The following GPC5 variants were observed in gnomAD, a reference collection of about 807,000 sequenced individuals.
GPC5 encodes glypican 5.
GPC5 carries 47 observed loss-of-function variants against 53.9 expected under a neutral mutation model. The ratio of observed to expected loss-of-function variants is 0.87; its 90% CI spans 0.69 to 1.11. The LOEUF (loss-of-function observed/expected upper bound fraction) is 1.11, where lower values mean the gene tolerates loss of function less well. Ranked by LOEUF, GPC5 falls within the 50% of genes most tolerant of loss-of-function variation. GPC5 has a pLI of 0.00. For missense variants in GPC5, 748 were observed against 713.1 expected (o/e 1.05, Z -0.56); for synonymous variants, 286 against 263.3 (o/e 1.09, Z -0.84).
chr13:91,801,497 G>T (rs1427585249), intron 5 of GPC5, among the ~76,000 whole-genome samples: 3 of 151,948 alleles, frequency 2.0e-5, no homozygotes, highest in Non-Finnish European at 2.9e-5. Flanking sequence ...AAATTTTCTG[G>T]CTGTGTCAAA....
rs115569284 is a variant in GPC5, at chr13:91,764,091, G to A, written c.1280+7671G>A. Among the ~76,000 whole-genome samples the A allele has an allele frequency of 5.7e-3, 872 of 152,154 alleles. 10 individuals carry two copies. The highest frequency in any genetic ancestry group is 0.02 in the African/African-American group (836 of 41,490). The stretch of plus-strand genomic sequence containing the variant: ...GTGGTTGGTCGAATCCTTGAACACA[G>A]TTGAATCCTTGATCTGGAACTGGTG... On this transcript the variant is annotated intron_variant, in intron 5 of 7. Transcript: ENST00000377067.
intron 3 of GPC5, among the ~76,000 whole-genome samples, chr13:91,705,798 A>T (rs1361936196): frequency 6.6e-6 from 1 of 150,990 alleles, no homozygotes; most frequent in Non-Finnish European, 1.5e-5. Flanking sequence ...GAAAAATATT[A>T]CTTATACTCC....
intron 7 of GPC5, among the ~76,000 whole-genome samples, chr13:92,307,725 G>T (rs367998154): frequency 6.6e-6 from 1 of 152,134 alleles, no homozygotes; most frequent in African/African-American, 2.4e-5. Context: ...AATGAATGAG[G>T]TAGGTGCTGG....
intron 6 of GPC5, among the ~76,000 whole-genome samples, chr13:92,006,778 C>G (rs955311572): frequency 1.3e-5 from 2 of 152,124 alleles, no homozygotes; most frequent in South Asian, 2.1e-4. Flanking sequence ...CACACACACA[C>G]AGATATAGTA....
intron 7 of GPC5, among the ~76,000 whole-genome samples, chr13:92,286,942 C>A (rs1488985529): frequency 1.3e-5 from 2 of 151,916 alleles, no homozygotes; most frequent in African/African-American, 4.8e-5. Context: ...GGAAGAAAAA[C>A]CATGTGTAGG....
chr13:92,192,925 C>T (rs958843881), intron 7 of GPC5, among the ~76,000 whole-genome samples: 10 of 152,064 alleles, frequency 6.6e-5, no homozygotes, highest in African/African-American at 2.2e-4. Flanking sequence ...GCCTATAATT[C>T]CAGCACTTTG....
intron 7 of GPC5, among the ~76,000 whole-genome samples, chr13:92,602,230 TA>T (rs1399504554): frequency 1.0e-5 from 1 of 98,890 alleles, no homozygotes; most frequent in African/African-American, 4.6e-5. Context: ...AATATATATA[TA>T]ACATATATAT....
chr13:92,718,854 G>A (rs552702560), intron 7 of GPC5, among the ~76,000 whole-genome samples: 5 of 146,962 alleles, frequency 3.4e-5, no homozygotes, highest in Non-Finnish European at 5.9e-5. Flanking sequence ...TTGCACCACT[G>A]CACTCCAGCT....
intron 1 of GPC5, among the ~76,000 whole-genome samples, chr13:91,405,457 CTG>C (rs1438913078): frequency 6.6e-6 from 1 of 152,198 alleles, no homozygotes; most frequent in Non-Finnish European, 1.5e-5. Flanking sequence ...CACACACAGA[CTG>C]TGTGGTTGGC....
intron 5 of GPC5, among the ~76,000 whole-genome samples, chr13:91,849,367 AAAG>A (rs67513986): frequency 2.0e-3 from 303 of 152,322 alleles, no homozygotes; most frequent in Non-Finnish European, 3.6e-3. Context: ...GCTGCCTTGG[AAAG>A]AAGGATGAGT....
intron 7 of GPC5, among the ~76,000 whole-genome samples, chr13:92,800,543 C>G (rs1050286107): frequency 6.6e-6 from 1 of 151,868 alleles, no homozygotes; most frequent in African/African-American, 2.4e-5. Flanking sequence ...CTAACGAACC[C>G]TGTGAAAATT....
At chr13:92,615,522 G>C (rs140523697) in intron 7 of GPC5, among the ~76,000 whole-genome samples, 291 of 152,210 alleles carry the variant, frequency 1.9e-3, no homozygotes, top group African/African-American at 6.8e-3. Flanking sequence ...TACAACAAAA[G>C]TTGATCTTTC....
In GPC5 at chr13:91,437,153, C is replaced by T. The variant is rs559794066; in HGVS notation, c.164-11608C>T. Among the ~76,000 whole-genome samples, 409 of 152,044 alleles carry T rather than the reference C, an allele frequency of 2.7e-3. 1 individual carries two copies. Among genetic ancestry groups the T allele is most frequent in the African/African-American group, 9.1e-3 (377 of 41,478 alleles). Reference sequence around the variant, plus strand: ...TGACTCTTTATCCAATTTGCCAGTCCGTGTCTTTTAATTGGAGCATTTAGC... The same window carrying T: ...TGACTCTTTATCCAATTTGCCAGTCTGTGTCTTTTAATTGGAGCATTTAGC... On this transcript the variant is annotated intron_variant, in intron 1 of 7. Transcript: ENST00000377067.
chr13:92,504,499 A>G (rs1307023454), intron 7 of GPC5, among the ~76,000 whole-genome samples: 1 of 152,088 alleles, frequency 6.6e-6, no homozygotes, highest in Non-Finnish European at 1.5e-5. Flanking sequence ...TCTAAAATGT[A>G]TATAGAAAAG....
chr13:91,660,214 A>ATTT (rs1313083835), intron 2 of GPC5, among the ~76,000 whole-genome samples: 1 of 152,228 alleles, frequency 6.6e-6, no homozygotes, highest in Non-Finnish European at 1.5e-5. Context: ...TGATTGCTAC[A>ATTT]GAGGCTGTGG....
At chr13:92,094,947 C>T (rs569198786) in intron 6 of GPC5, among the ~76,000 whole-genome samples, 2 of 152,076 alleles carry the variant, frequency 1.3e-5, no homozygotes, top group Admixed American at 1.3e-4. Flanking sequence ...ATTCCATATT[C>T]CCATTTGTAA....
intron 7 of GPC5, among the ~76,000 whole-genome samples, chr13:92,607,856 G>A (rs148493356): frequency 2.6e-5 from 4 of 151,990 alleles, no homozygotes; most frequent in African/African-American, 7.3e-5. Context: ...TTCTGCAGGC[G>A]CTTTACACGC....
chr13:92,704,210 G>A (rs1472820871), intron 7 of GPC5, among the ~76,000 whole-genome samples: 5 of 151,840 alleles, frequency 3.3e-5, no homozygotes, highest in African/African-American at 1.2e-4. Flanking sequence ...AAGCTTTTAT[G>A]TTTCAAAAAT....
At chr13:92,506,136 A>C (rs2138943079) in intron 7 of GPC5, among the ~76,000 whole-genome samples, 1 of 152,302 alleles carries the variant, frequency 6.6e-6, no homozygotes, top group East Asian at 1.9e-4. Context: ...ATGACCTTAA[A>C]AATAATTATC....
Sources: gnomAD v4.1 joint callset for allele counts (sites outside exome capture counted in the v4.1 genomes callset) on GRCh38, gnomAD v4.1.1 for gene constraint, MANE v1.5 for transcripts, NCBI Gene and HGNC (gene_info 2026-07-23, HGNC 2026-07-21) for gene names.